OR51B5: variants seen among roughly 807,000 people sequenced by gnomAD.
OR51B5 encodes the protein olfactory receptor family 51 subfamily B member 5.
For synonymous variants in OR51B5, 186 were observed against 144.8 expected, an observed-to-expected ratio of 1.28 and a Z score of -2.04; for missense variants, 456 against 374.6, an observed-to-expected ratio of 1.22 and a Z score of -1.79.
At chr11:5,483,867 C>T (rs1284229062) in intron 1 of OR51B5, among the ~76,000 whole-genome samples, 2 of 152,064 alleles carry the variant, frequency 1.3e-5, no homozygotes, top group East Asian at 3.9e-4. Flanking sequence ...AGACATTAGC[C>T]CAGAAAACTG....
intron 1 of OR51B5, chr11:5,454,325 G>A: frequency 2.5e-6 from 4 of 1,614,142 alleles, no homozygotes; most frequent in Non-Finnish European, 3.4e-6. Context: ...TGTCAAATGT[G>A]TACCTATTTG....
At chr11:5,353,628 A>C (rs982453170) in intron 1 of OR51B5, among the ~76,000 whole-genome samples, 1 of 152,232 alleles carries the variant, frequency 6.6e-6, no homozygotes, top group Non-Finnish European at 1.5e-5. Flanking sequence ...GCCAGTATCC[A>C]TGACTCAAAT....
intron 1 of OR51B5, among the ~76,000 whole-genome samples, chr11:5,438,427 C>T (rs1235532615): frequency 1.3e-5 from 2 of 151,804 alleles, no homozygotes; most frequent in East Asian, 1.9e-4. Flanking sequence ...CTCTGAATTC[C>T]GAGCTTAAAA....
intron 1 of OR51B5, chr11:5,453,951 A>G (rs1850903653): frequency 6.8e-6 from 11 of 1,613,934 alleles, no homozygotes; most frequent in African/African-American, 2.7e-5. Flanking sequence ...AAGCTTCATC[A>G]CCCTTTTCCC....
intron 1 of OR51B5, among the ~76,000 whole-genome samples, chr11:5,473,283 G>A (rs1039763745): frequency 6.6e-6 from 1 of 152,118 alleles, no homozygotes; most frequent in Non-Finnish European, 1.5e-5. Flanking sequence ...GAGTCTGAGG[G>A]GTGTTTGACT....
At chr11:5,444,100 TAC>T (rs923063164) in intron 1 of OR51B5, among the ~76,000 whole-genome samples, 4 of 152,300 alleles carry the variant, frequency 2.6e-5, no homozygotes, top group Non-Finnish European at 5.9e-5. Context: ...TAAATGTTTA[TAC>T]ACACACAGTG....
At chr11:5,448,258 T>A (rs1232187542) in intron 1 of OR51B5, among the ~76,000 whole-genome samples, 2 of 152,204 alleles carry the variant, frequency 1.3e-5, no homozygotes, top group Non-Finnish European at 2.9e-5. Context: ...GTTCCTAGGT[T>A]AGATTGTGAC....
At position 5,440,211 on chromosome 11, in the gene OR51B5, A is replaced by G. The variant is rs77788543; in HGVS notation, n.84+65358T>C. On this transcript the variant is annotated intron_variant and non_coding_transcript_variant, in intron 1 of 4. Transcript: ENST00000415970. ...CTCCTTCACTCTGGGCAGGAGCAGA[A>G]TTATTTTTGATAAATTCTGTTTGCC... is the stretch of plus-strand genomic sequence containing the variant. 7.2e-3 allele frequency among the ~76,000 whole-genome samples: 1,101 copies of G among 152,276 alleles called. 9 individuals are homozygous for G. The highest frequency in any genetic ancestry group is 0.027 in the Middle Eastern group (8 of 294).
intron 1 of OR51B5, among the ~76,000 whole-genome samples, chr11:5,426,779 T>C (rs1373413582): frequency 6.6e-6 from 1 of 152,136 alleles, no homozygotes; most frequent in East Asian, 1.9e-4. Context: ...TATCTGAAGT[T>C]CCCTCATCTG....
At chr11:5,410,483 T>G (rs182381444) in intron 1 of OR51B5, among the ~76,000 whole-genome samples, 3 of 152,322 alleles carry the variant, frequency 2.0e-5, no homozygotes, top group Admixed American at 6.5e-5. Flanking sequence ...ATAATGACTT[T>G]TCAATCAACA....
chr11:5,475,062 T>A (rs553587875), intron 1 of OR51B5, among the ~76,000 whole-genome samples: 4 of 152,252 alleles, frequency 2.6e-5, no homozygotes, highest in South Asian at 2.1e-4. Context: ...TCCTTTTGGA[T>A]CCAAATCCTG....
chr11:5,467,664 T>G (rs552790837), intron 1 of OR51B5, among the ~76,000 whole-genome samples: 1 of 152,246 alleles, frequency 6.6e-6, no homozygotes, highest in Non-Finnish European at 1.5e-5. Flanking sequence ...CTCTGTGAAT[T>G]TGCTGACAGC....
chr11:5,392,888 G>A (rs1408370948), intron 1 of OR51B5: 3 of 151,284 alleles, frequency 2.0e-5, no homozygotes, highest in Non-Finnish European at 2.9e-5. Context: ...CTCCAGCCTG[G>A]GCAACAGAGC....
At chr11:5,388,591 C>T (rs559916125) in intron 1 of OR51B5, among the ~76,000 whole-genome samples, 3 of 148,432 alleles carry the variant, frequency 2.0e-5, no homozygotes, top group Admixed American at 6.8e-5. Context: ...GTCATTAACA[C>T]CGTGAATATA....
chr11:5,360,846 A>G lies in OR51B5; in HGVS notation n.85-13936T>C, dbSNP rs1349700069. Reference sequence around the variant, plus strand: ...AAGAGTTCATGTCCTTTGTAGGGACATGGATGAAGCTGGAAACCATCATTC... The same window carrying G: ...AAGAGTTCATGTCCTTTGTAGGGACGTGGATGAAGCTGGAAACCATCATTC... On this transcript the variant is annotated intron_variant and non_coding_transcript_variant, in intron 1 of 4. Transcript: ENST00000415970. Among the ~76,000 whole-genome samples, 8 of 151,318 alleles carry G rather than the reference A, an allele frequency of 5.3e-5. No homozygotes were observed. The East Asian group carries it at 5.9e-4, about 11-fold the overall frequency.
chr11:5,347,830 C>G (rs1849016089), upstream of OR51B5, among the ~76,000 whole-genome samples: 1 of 151,946 alleles, frequency 6.6e-6, no homozygotes, highest in Non-Finnish European at 1.5e-5. Flanking sequence ...CAATAATTAT[C>G]TAAATCAGGA....
chr11:5,346,443 A>G (rs1848991633), upstream of OR51B5: 1 of 151,932 alleles, frequency 6.6e-6, no homozygotes, highest in African/African-American at 2.4e-5. Flanking sequence ...GGATAGAAGC[A>G]AGAAGATTCT....
chr11:5,453,576 C>A (rs756570371), intron 1 of OR51B5: 1 of 1,612,654 alleles, frequency 6.2e-7, no homozygotes, highest in Admixed American at 1.7e-5. Flanking sequence ...GCTGTCAGGG[C>A]CCCTCTGCGT....
At chr11:5,404,617 G>C (rs7483695) in intron 1 of OR51B5, among the ~76,000 whole-genome samples, 1 of 152,016 alleles carries the variant, frequency 6.6e-6, no homozygotes, top group Non-Finnish European at 1.5e-5. Context: ...AGCCAGCAGC[G>C]GCAACCACCT....
Sources: allele counts gnomAD v4.1 joint callset (sites outside exome capture counted in the v4.1 genomes callset), GRCh38; gene constraint gnomAD v4.1.1; transcripts MANE v1.5; gene names NCBI Gene and HGNC (gene_info 2026-07-23, HGNC 2026-07-21).